The following PNLDC1 variants were observed in gnomAD, a reference collection of about 807,000 sequenced individuals.
PNLDC1 encodes the protein poly(A)-specific ribonuclease PNLDC1.
A neutral mutation model predicts 82.0 loss-of-function variants in PNLDC1; 70 were observed. The observed-to-expected ratio is 0.85, with a 90% confidence interval of 0.70 to 1.04. The LOEUF (loss-of-function observed/expected upper bound fraction) is 1.04. Ranked by LOEUF, PNLDC1 falls within the 50% of genes least tolerant of loss-of-function variation. The pLI is 0.00. For missense variants in PNLDC1, 631 were observed against 661.1 expected, an observed-to-expected ratio of 0.95 and a Z score of 0.50; for synonymous variants, 280 against 249.3, an observed-to-expected ratio of 1.12 and a Z score of -1.16.
At position 159,816,019 on chromosome 6, in the gene PNLDC1, G is replaced by C; in HGVS notation, c.1046G>C (p.Arg349Thr). ...NSGPEIVHASRCEKYVETKCP... is the reference protein window; with the variant it reads ...NSGPEIVHASTCEKYVETKCP... ...GGACCAGAGATTGTTCACGCGAGCA[G>C]GTGTGAGAAATATGGTACGTTCCCA... is the stretch of plus-strand genomic sequence containing the variant. The change falls in exon 13 of 19, where the codon AGG (arginine) becomes ACG (threonine). Residue 349 changes from arginine to threonine, a missense_variant. Coordinates refer to ENST00000392167, the MANE Select transcript of PNLDC1 (RefSeq NM_001271862.2). 2 of 1,612,252 alleles carry C rather than the reference G, an allele frequency of 1.2e-6. No homozygotes were observed. Among genetic ancestry groups the C allele is most frequent in the Non-Finnish European group, 1.7e-6 (2 of 1,179,256 alleles).
Position 159,813,646 on chromosome 6 carries a change from G to T in PNLDC1, c.985G>T (p.Val329Phe). 12 of 1,613,934 alleles carry T rather than the reference G, an allele frequency of 7.4e-6. No homozygotes were observed. Among genetic ancestry groups the T allele is most frequent in the Non-Finnish European group, 9.3e-6 (11 of 1,179,804 alleles). Residue 329 changes from valine (V) to phenylalanine (F), a missense_variant, in exon 12 of 19, where the codon GTC becomes TTC. By Grantham distance (50) the Val-to-Phe change is conservative. Coordinates refer to ENST00000392167, the MANE Select transcript of PNLDC1 (RefSeq NM_001271862.2). ...GTCGAATCTTTCGGAAGTCTATGAA[G>T]TCCTGAACAGGTGAGGACGGCGATT... ...RVSNLSEVYE[V>F]LNSDLNPTKN...
At chr6:159,810,221 C>T (rs758018155) in intron 10 of PNLDC1, 126 bp downstream of exon 10, 49 of 828,762 alleles carry the variant, frequency 5.9e-5, no homozygotes, top group Non-Finnish European at 8.0e-5. Flanking sequence ...CTGCAGGTTT[C>T]TGGAGAGTTT....
chr6:159,815,931 A>G (rs774075039), intron 12 of PNLDC1, 38 bp from the exon 13 acceptor site: 1 of 1,538,598 alleles, frequency 6.5e-7, no homozygotes, highest in South Asian at 1.1e-5. Context: ...GATTACTTTC[A>G]GCAAATTGTT....
intron 3 of PNLDC1, among the ~76,000 whole-genome samples, chr6:159,802,300 G>T (rs953456247): frequency 2.6e-5 from 4 of 151,718 alleles, no homozygotes; most frequent in Non-Finnish European, 5.9e-5. Context: ...GCCCTCTCCC[G>T]CACCATTGGG....
intron 12 of PNLDC1, among the ~76,000 whole-genome samples, chr6:159,814,589 A>C (rs1213035115): frequency 6.6e-6 from 1 of 152,082 alleles, no homozygotes; most frequent in Non-Finnish European, 1.5e-5. Context: ...CTGCAAATTC[A>C]GAAGTCTTGA....
In PNLDC1 at chr6:159,804,072, G is replaced by T. The variant is rs1781358766; in HGVS notation, c.356G>T (p.Gly119Val). The part of the protein sequence containing the change: ...ASSVQFLNQY[G>V]FNYNKFLKNG... ...AGTGTTCAGTTTTTGAATCAGTATG[G>T]CTTCAACTATAACAAGGTATGGCAT... The change falls in exon 5 of 19, where the codon GGC (glycine) becomes GTC (valine). Residue 119 changes from glycine (G) to valine (V), a missense_variant. Gly to Val is a moderately radical substitution (Grantham distance 109). Transcript: ENST00000392167. 6.2e-7 allele frequency: 1 copy of T among 1,613,592 alleles called. No homozygotes were observed. The highest frequency in any genetic ancestry group is 1.7e-5 in the Admixed American group (1 of 59,858).
rs34866272 is a variant in PNLDC1, at chr6:159,806,888, CTTTTTTT to C, written c.562+819_562+825del. Among the ~76,000 whole-genome samples, 31 of 107,732 alleles carry C rather than the reference CTTTTTTT, an allele frequency of 2.9e-4. No homozygotes were observed. In the East Asian group the frequency reaches 5.4e-3, roughly 19 times the overall value. The allele number at this position is 107,732 out of a possible 152,430, so 70.7% of individuals were successfully genotyped here. A position where few individuals can be genotyped will look rare whatever the true frequency, so the allele number is the denominator to read the frequency against. On this transcript the variant is annotated intron_variant, in intron 7 of 18. Coordinates refer to ENST00000392167, the MANE Select transcript of PNLDC1 (RefSeq NM_001271862.2). ...GTCTTTTGAGAGCTGAATTAGCTGC[CTTTTTTT>C]TTTTTTTTTTTTTGAAGATATAGTT... is the stretch of plus-strand genomic sequence containing the variant.
At chr6:159,807,759 T>A (rs1029007423) in intron 7 of PNLDC1, among the ~76,000 whole-genome samples, 7 of 152,244 alleles carry the variant, frequency 4.6e-5, no homozygotes, top group African/African-American at 1.7e-4. Flanking sequence ...ATAAAACTCA[T>A]TAATGATGGT....
intron 9 of PNLDC1, among the ~76,000 whole-genome samples, chr6:159,809,592 C>A (rs991338408): frequency 6.6e-6 from 1 of 151,946 alleles, no homozygotes; most frequent in Non-Finnish European, 1.5e-5. Flanking sequence ...CTGCACCTGG[C>A]CTTCCTTCTC....
chr6:159,810,356 A>G (rs952546534), intron 10 of PNLDC1, among the ~76,000 whole-genome samples: 3 of 152,232 alleles, frequency 2.0e-5, no homozygotes, highest in African/African-American at 7.2e-5. Flanking sequence ...AGCTGTTCAG[A>G]GTTATTGTAT....
At chr6:159,816,415 G>A in intron 13 of PNLDC1, 128 bp from the exon 14 acceptor site, 1 of 843,248 alleles carries the variant, frequency 1.2e-6, no homozygotes, top group Non-Finnish European at 2.0e-6. Flanking sequence ...TGGTGTGTGG[G>A]CCTGGAGAAG....
At chr6:159,816,378 C>T (rs1208734546) in intron 13 of PNLDC1, among the ~76,000 whole-genome samples, 165 bp from the exon 14 acceptor site, 1 of 151,156 alleles carries the variant, frequency 6.6e-6, no homozygotes, top group Non-Finnish European at 1.5e-5. Context: ...GGGGCTTTCT[C>T]CACCGTGGGG....
rs554625205 is a variant in PNLDC1 at position 159,800,361 on chromosome 6, C to G, written c.54C>G (p.Leu18=). The G allele has an allele frequency of 1.9e-6, 3 of 1,548,132 alleles. No homozygotes were observed. The highest frequency in any genetic ancestry group is 2.4e-5 in the East Asian group (1 of 40,890). Residue 18 remains leucine (L), a synonymous_variant, in exon 1 of 19, where the codon CTC becomes CTG. Coordinates refer to ENST00000392167, the MANE Select transcript of PNLDC1 (RefSeq NM_001271862.2). ...FEESLPLLQE[L]VQEADFVGLD... ...AGAGCCTCCCTCTGCTGCAGGAGCT[C>G]GTCCAGGAGGCCGACTTCGTGGGTG...
At chr6:159,803,515 G>C (rs1320016340) in intron 4 of PNLDC1, 1 of 594,320 alleles carries the variant, frequency 1.7e-6, no homozygotes, top group Non-Finnish European at 3.0e-6. Flanking sequence ...TTTCCCGCCA[G>C]CCTTGCTCTG....
At chr6:159,818,813 A>G in intron 16 of PNLDC1, 133 bp from the exon 17 acceptor site, 1 of 1,227,036 alleles carries the variant, frequency 8.1e-7, no homozygotes, top group Non-Finnish European at 1.1e-6. Context: ...TAAAGCCAAC[A>G]TGGACTCATC....
At chr6:159,800,544 G>A in intron 1 of PNLDC1, 161 bp downstream of exon 1, 4 of 1,345,174 alleles carry the variant, frequency 3.0e-6, no homozygotes, top group East Asian at 2.4e-5. Context: ...GTGGGACTTT[G>A]AGCAGCAAGT....
At chr6:159,801,247 C>T (rs917602748) in intron 3 of PNLDC1, 61 bp downstream of exon 3, 1 of 1,473,114 alleles carries the variant, frequency 6.8e-7, no homozygotes, top group African/African-American at 1.4e-5. Flanking sequence ...CCTTGGATTT[C>T]CTACTGTAAA....
intron 1 of PNLDC1, 41 bp downstream of exon 1, chr6:159,800,424 C>G (rs1278581311): frequency 1.2e-5 from 18 of 1,534,006 alleles, no homozygotes; most frequent in Non-Finnish European, 1.5e-5. Flanking sequence ...GACAGAGCCC[C>G]TTGCCCCGGG....
chr6:159,806,207 ATGCAAGCATTTGT>A, intron 7 of PNLDC1, 124 bp downstream of exon 7: 1 of 730,502 alleles, frequency 1.4e-6, no homozygotes, highest in Non-Finnish European at 2.4e-6. Flanking sequence ...ACTGAGTCTG[ATGCAAGCATTTGT>A]TTGGCGGTTA....
Sources: allele counts gnomAD v4.1 joint callset (sites outside exome capture counted in the v4.1 genomes callset), GRCh38; gene constraint gnomAD v4.1.1; transcripts MANE v1.5; gene names NCBI Gene and HGNC (gene_info 2026-07-23, HGNC 2026-07-21).